Variants in IQCK observed in about 807,000 individuals in gnomAD.
IQCK encodes the protein IQ motif containing K, also known as IQ domain-containing protein K.
Under a neutral mutation model 28.1 loss-of-function variants are expected in IQCK, and 29 were observed. The ratio of observed to expected loss-of-function variants is 1.03; its 90% CI spans 0.77 to 1.41. IQCK has a LOEUF of 1.41. IQCK is among the 40% of genes most tolerant of loss of function. The pLI, the probability that IQCK is intolerant of heterozygous loss-of-function variation, is 0.00. For missense variants in IQCK, 359 were observed against 314.7 expected, an observed-to-expected ratio of 1.14 and a Z score of -1.07; for synonymous variants, 113 against 115.1, an observed-to-expected ratio of 0.98 and a Z score of 0.12.
At chr16:19,853,879 C>G (rs747344428) in intron 9 of IQCK, among the ~76,000 whole-genome samples, 3 of 152,228 alleles carry the variant, frequency 2.0e-5, no homozygotes, top group Non-Finnish European at 4.4e-5. Context: ...CCACGTGCCT[C>G]GGCCTCCCAG....
chr16:19,775,866 C>CTTGTTTTT (rs2055385798), intron 6 of IQCK, among the ~76,000 whole-genome samples: 1 of 37,700 alleles, frequency 2.7e-5, no homozygotes, highest in Non-Finnish European at 4.4e-5. Context: ...TGGGCACAGG[C>CTTGTTTTT]TTTTTTTTTT....
At chr16:19,718,279 G>T, upstream of IQCK, 2 of 1,583,402 alleles carry the variant, frequency 1.3e-6, no homozygotes, top group South Asian at 1.2e-5. Context: ...GCCTTCCGGC[G>T]AACGCGGTTA....
At chr16:19,791,758 A>C (rs1468874714) in intron 7 of IQCK, among the ~76,000 whole-genome samples, 1 of 133,496 alleles carries the variant, frequency 7.5e-6, no homozygotes, top group Non-Finnish European at 1.5e-5. Context: ...TCATCACACA[A>C]TAGCTATAAA....
chr16:19,732,967 G>A (rs1003625266), intron 2 of IQCK, among the ~76,000 whole-genome samples: 1 of 152,130 alleles, frequency 6.6e-6, no homozygotes, highest in African/African-American at 2.4e-5. Context: ...AGTTAGCCCA[G>A]CCGGATTTCC....
At chr16:19,845,927 T>G (rs1357174285) in intron 9 of IQCK, among the ~76,000 whole-genome samples, 4 of 151,644 alleles carry the variant, frequency 2.6e-5, no homozygotes, top group Admixed American at 1.3e-4. Context: ...ACACAAAAAA[T>G]TAGCCAGGCG....
At chr16:19,723,222 T>G (rs1977552498) in intron 1 of IQCK, among the ~76,000 whole-genome samples, 1 of 151,492 alleles carries the variant, frequency 6.6e-6, no homozygotes, top group African/African-American at 2.4e-5. Flanking sequence ...CCAGACCATA[T>G]CCCACTGGCT....
chr16:19,718,453 G>A (rs1415964414), exon 1 of IQCK: 4 of 1,607,466 alleles, frequency 2.5e-6, no homozygotes, highest in Non-Finnish European at 2.5e-6. Context: ...TCACCGAGCC[G>A]TCAAGCAAGA....
At chr16:19,834,976 A>C (rs1940232520) in intron 9 of IQCK, among the ~76,000 whole-genome samples, 1 of 152,170 alleles carries the variant, frequency 6.6e-6, no homozygotes, top group South Asian at 2.1e-4. Flanking sequence ...ATCAACATAC[A>C]AATATAAGCC....
chr16:19,724,828 G>A (rs1419493772), intron 1 of IQCK, among the ~76,000 whole-genome samples: 1 of 151,996 alleles, frequency 6.6e-6, no homozygotes, highest in Non-Finnish European at 1.5e-5. Context: ...CACCGTGCCC[G>A]GCCACCAGTC....
intron 7 of IQCK, among the ~76,000 whole-genome samples, chr16:19,793,646 T>TTTTG: frequency 1.3e-5 from 1 of 74,498 alleles, no homozygotes; most frequent in Non-Finnish European, 2.3e-5. Flanking sequence ...CAGTTGGGTT[T>TTTTG]TTTTTTTTTT....
chr16:19,778,035 A>T (rs188579746), intron 6 of IQCK, among the ~76,000 whole-genome samples: 190 of 152,068 alleles, frequency 1.2e-3, no homozygotes, highest in African/African-American at 4.4e-3. Context: ...CCCGGGTGAC[A>T]GTGCAGGACT....
chr16:19,725,330 G>A (rs113338024), intron 1 of IQCK, among the ~76,000 whole-genome samples: 7,872 of 152,150 alleles, frequency 0.052, 672 homozygotes, highest in African/African-American at 0.18. Context: ...CCAAGTAGCT[G>A]GGATTACAGG....
At chr16:19,858,143 G>A (rs1198163950) in exon 10 of IQCK, 1 of 207,552 alleles carries the variant, frequency 4.8e-6, no homozygotes, top group South Asian at 1.8e-4. Context: ...GGCTGCTACA[G>A]TCTCTTGGCA....
intron 9 of IQCK, among the ~76,000 whole-genome samples, chr16:19,852,478 C>T (rs1378815183): frequency 1.3e-5 from 2 of 152,110 alleles, no homozygotes; most frequent in African/African-American, 4.8e-5. Context: ...CATGAAGCCA[C>T]TTCTCTGACT....
At chr16:19,843,984 C>G (rs184977070) in intron 9 of IQCK, among the ~76,000 whole-genome samples, 1 of 152,114 alleles carries the variant, frequency 6.6e-6, no homozygotes, top group Admixed American at 6.5e-5. Context: ...ATCCATTAAT[C>G]AATTGATGGG....
intron 1 of IQCK, among the ~76,000 whole-genome samples, chr16:19,726,118 G>A (rs1218679098): frequency 6.6e-6 from 1 of 151,848 alleles, no homozygotes; most frequent in Non-Finnish European, 1.5e-5. Context: ...GTTTCATCGT[G>A]TTAGCCACGA....
At chr16:19,844,124 G>T (rs1287343022) in intron 9 of IQCK, among the ~76,000 whole-genome samples, 2 of 148,976 alleles carry the variant, frequency 1.3e-5, no homozygotes, top group Admixed American at 6.7e-5. Flanking sequence ...CTGTCACCCA[G>T]GCTGGAGTGC....
At position 19,837,106 on chromosome 16, in the gene IQCK, T is replaced by A. The variant is rs529051369; in HGVS notation, c.802+9969T>A. Reference sequence around the variant, plus strand: ...TCAACATATCATTAATACATATTGTTAAGAATATTGGCAGCCAGGTGCAGT... The same window carrying A: ...TCAACATATCATTAATACATATTGTAAAGAATATTGGCAGCCAGGTGCAGT... On this transcript the variant is annotated intron_variant, in intron 9 of 9. Coordinates refer to the IQCK transcript ENST00000320394. Among the ~76,000 whole-genome samples the A allele has an allele frequency of 3.3e-5, 5 of 152,264 alleles. No homozygotes were observed. The East Asian group carries it at 9.6e-4, about 29-fold the overall frequency.
chr16:19,814,406 A>C (rs1416981859), intron 7 of IQCK, among the ~76,000 whole-genome samples: 1 of 152,018 alleles, frequency 6.6e-6, no homozygotes, highest in Non-Finnish European at 1.5e-5. Flanking sequence ...CATCTCAATA[A>C]AGAAAAGAAA....
Sources: allele counts gnomAD v4.1 joint callset (sites outside exome capture counted in the v4.1 genomes callset), GRCh38; gene constraint gnomAD v4.1.1; transcripts MANE v1.5; gene names NCBI Gene and HGNC (gene_info 2026-07-23, HGNC 2026-07-21).